Variants in KIAA0586 observed in about 807,000 individuals in gnomAD.
KIAA0586 encodes protein TALPID3.
A neutral mutation model predicts 169.8 loss-of-function variants in KIAA0586; 144 were observed. That is an observed-to-expected ratio of 0.85 (90% CI 0.74 to 0.97). KIAA0586 has a LOEUF of 0.97. Ranked by LOEUF, KIAA0586 falls within the 50% of genes least tolerant of loss-of-function variation. The probability of loss-of-function intolerance (pLI) is 0.00; values close to 1 mark genes in which losing one functional copy is unlikely to be tolerated. For synonymous variants in KIAA0586, 625 were observed against 612.4 expected, an observed-to-expected ratio of 1.02 and a Z score of -0.30; for missense variants, 1,854 against 1,823.0, an observed-to-expected ratio of 1.02 and a Z score of -0.31.
intron 29 of KIAA0586, among the ~76,000 whole-genome samples, chr14:58,527,820 A>C (rs981552882): frequency 2.6e-5 from 4 of 152,236 alleles, no homozygotes; most frequent in Admixed American, 2.0e-4. Context: ...ATAACCAGCT[A>C]GCATCCTAAT....
intron 19 of KIAA0586, among the ~76,000 whole-genome samples, chr14:58,476,715 T>C (rs948242689): frequency 6.9e-6 from 1 of 144,150 alleles, no homozygotes; most frequent in Non-Finnish European, 1.5e-5. Flanking sequence ...TTGCCTAGGC[T>C]GTAGTGCAGT....
chr14:58,430,706 A>G lies in KIAA0586; in HGVS notation c.329A>G (p.Asn110Ser), dbSNP rs373836349. 2.5e-6 allele frequency: 4 copies of G among 1,587,132 alleles called. No homozygotes were observed. Among genetic ancestry groups the G allele is most frequent in the Admixed American group, 3.4e-5 (2 of 58,832 alleles). Residue 110 changes from asparagine to serine, a missense_variant, in exon 3 of 31, where the codon AAC becomes AGC. Transcript: ENST00000652326. The part of the protein sequence containing the change: ...VLPLDKIEEN[N>S]KQKANDIFIS... ...CCTTTGGATAAAATAGAAGAGAACA[A>G]CAAGCAAAAAGGTAAAAGAATAATA...
At position 58,519,726 on chromosome 14, in the gene KIAA0586, T is replaced by C. The variant is rs2045052866; in HGVS notation, c.4429+7099T>C. ...GTTTTTAAGATATGTTATCTGTTTC[T>C]TATTTAAGAGAGCTTGTTTCCCAGT... On this transcript the variant is annotated intron_variant, in intron 29 of 30. Coordinates refer to ENST00000652326, the MANE Select transcript of KIAA0586 (RefSeq NM_001329943.3). Among the ~76,000 whole-genome samples the C allele has an allele frequency of 2.6e-5, 4 of 152,336 alleles. No homozygotes were observed. In the South Asian group the frequency reaches 8.3e-4, roughly 32 times the overall value.
chr14:58,502,120 A>G (rs1000433025), intron 27 of KIAA0586, among the ~76,000 whole-genome samples: 2 of 152,058 alleles, frequency 1.3e-5, no homozygotes, highest in East Asian at 1.9e-4. Context: ...ATCAAGATGG[A>G]AACCATAATG....
chr14:58,487,274 AC>A, intron 22 of KIAA0586, 108 bp downstream of exon 22: 4 of 1,004,058 alleles, frequency 4.0e-6, no homozygotes, highest in Non-Finnish European at 4.3e-6. Flanking sequence ...ATTTTTTCTC[AC>A]AAGGAAATTT....
chr14:58,530,674 C>T (rs986093766), intron 29 of KIAA0586, among the ~76,000 whole-genome samples: 3 of 152,124 alleles, frequency 2.0e-5, no homozygotes, highest in African/African-American at 7.2e-5. Context: ...TTCCTTACAC[C>T]TTATACAAAA....
At chr14:58,542,458 C>G in intron 30 of KIAA0586, among the ~76,000 whole-genome samples, 1 of 150,144 alleles carries the variant, frequency 6.7e-6, no homozygotes, top group South Asian at 2.1e-4. Flanking sequence ...GCCTGGGTGA[C>G]AGAGCGATAC....
chr14:58,466,338 T>C (rs1207877902), intron 15 of KIAA0586, among the ~76,000 whole-genome samples: 2 of 152,262 alleles, frequency 1.3e-5, no homozygotes, highest in Non-Finnish European at 2.9e-5. Context: ...ATGTATTTTA[T>C]GCTGTGTAAT....
chr14:58,461,263 C>A, intron 14 of KIAA0586, 103 bp downstream of exon 14: 1 of 758,648 alleles, frequency 1.3e-6, no homozygotes, highest in South Asian at 2.8e-5. Flanking sequence ...ACGTGCCATT[C>A]AAGTTATATG....
the KIAA0586 span, among the ~76,000 whole-genome samples, chr14:58,556,887 A>C: frequency 6.6e-6 from 1 of 152,152 alleles, no homozygotes; most frequent in Non-Finnish European, 1.5e-5. Context: ...CTGGGATTAC[A>C]GGCATGTGCC....
intron 30 of KIAA0586, among the ~76,000 whole-genome samples, chr14:58,545,431 G>A (rs1016673361): frequency 6.6e-6 from 1 of 152,162 alleles, no homozygotes; most frequent in African/African-American, 2.4e-5. Flanking sequence ...TATATACAAA[G>A]TGGTTTTGTG....
chr14:58,512,634 CT>C lies in KIAA0586; in HGVS notation c.4429+9del. Reference sequence around the variant, plus strand: ...GCACCTTCACAGCAACAAGGTAAGACTTGTTTTTATGTAATAATACAATAGT... The same window carrying C: ...GCACCTTCACAGCAACAAGGTAAGACTGTTTTTATGTAATAATACAATAGT... On this transcript the variant is annotated splice_region_variant and intron_variant, in intron 29 of 30. Transcript: ENST00000652326. 7.3e-7 allele frequency: 1 copy of C among 1,376,626 alleles called. No individual in the cohort carries two copies. Among genetic ancestry groups the C allele is most frequent in the African/African-American group, 1.5e-5 (1 of 65,916 alleles). 85.3% of individuals were successfully genotyped at this position (1,376,626 alleles called of 1,614,324 possible). A position where few individuals can be genotyped will look rare whatever the true frequency, so the allele number is the denominator to read the frequency against.
intron 20 of KIAA0586, among the ~76,000 whole-genome samples, chr14:58,478,250 A>G (rs1434408102): frequency 6.6e-6 from 1 of 152,228 alleles, no homozygotes; most frequent in East Asian, 1.9e-4. Context: ...TGGGAGGCCA[A>G]GGAGGGCAGA....
At chr14:58,544,823 C>T (rs1409036901) in intron 30 of KIAA0586, among the ~76,000 whole-genome samples, 1 of 152,186 alleles carries the variant, frequency 6.6e-6, no homozygotes, top group Non-Finnish European at 1.5e-5. Flanking sequence ...GGACTTGGCC[C>T]TGGCCTTGCT....
chr14:58,560,170 A>T, the KIAA0586 span, among the ~76,000 whole-genome samples: 1 of 148,444 alleles, frequency 6.7e-6, no homozygotes, highest in African/African-American at 2.5e-5. Context: ...AAAAAAAAAG[A>T]TGCACAGGCC....
intron 4 of KIAA0586, chr14:58,433,158 C>T (rs1211866867): frequency 6.6e-6 from 1 of 152,284 alleles, no homozygotes; most frequent in African/African-American, 2.4e-5. Context: ...CCTCCACCTC[C>T]TGGGTTCAAA....
chr14:58,439,898 A>G, intron 4 of KIAA0586: 2 of 843,602 alleles, frequency 2.4e-6, no homozygotes, highest in Non-Finnish European at 2.9e-6. Flanking sequence ...CAGTTTTGTC[A>G]GTGGTTCCTT....
At chr14:58,493,164 G>C (rs767893320) in intron 26 of KIAA0586, among the ~76,000 whole-genome samples, 1 of 152,142 alleles carries the variant, frequency 6.6e-6, no homozygotes, top group Non-Finnish European at 1.5e-5. Flanking sequence ...ATAGAGAGGA[G>C]AGAGATTTAA....
At chr14:58,465,705 T>A (rs1362483323) in intron 14 of KIAA0586, 130 bp from the exon 15 acceptor site, 2 of 569,772 alleles carry the variant, frequency 3.5e-6, no homozygotes, top group Non-Finnish European at 6.0e-6. Context: ...ATATATTACT[T>A]CTGTTTTGGG....
Sources: gnomAD v4.1 joint callset for allele counts (sites outside exome capture counted in the v4.1 genomes callset) on GRCh38, gnomAD v4.1.1 for gene constraint, MANE v1.5 for transcripts, NCBI Gene and HGNC (gene_info 2026-07-23, HGNC 2026-07-21) for gene names.